The following PCED1B variants were observed in gnomAD, a reference collection of about 807,000 sequenced individuals.
The protein encoded by PCED1B is PC-esterase domain containing 1B, also known as PC-esterase domain-containing protein 1B.
For missense variants in PCED1B, 573 were observed against 573.9 expected, an observed-to-expected ratio of 1.00 and a Z score of 0.02; for synonymous variants, 251 against 246.1, an observed-to-expected ratio of 1.02 and a Z score of -0.19.
intron 3 of PCED1B, among the ~76,000 whole-genome samples, chr12:47,233,274 A>T (rs1189953334): frequency 6.6e-6 from 1 of 152,042 alleles, no homozygotes; most frequent in Non-Finnish European, 1.5e-5. Context: ...CTCCTGCCTC[A>T]GTCTGTTCAG....
At chr12:47,160,116 T>C (rs1461555491) in intron 2 of PCED1B, among the ~76,000 whole-genome samples, 2 of 152,150 alleles carry the variant, frequency 1.3e-5, no homozygotes, top group Non-Finnish European at 2.9e-5. Context: ...TGTATACCAA[T>C]ATCATGATAT....
Position 47,235,795 on chromosome 12 carries a change from G to T in PCED1B, c.732G>T (p.Leu244=). ...GRVHRCLSQL[L]LAHVADAWGV... ...TGCACCGCTGCCTCTCCCAGCTGCT[G>T]CTGGCCCACGTGGCCGACGCCTGGG... The change falls in exon 4 of 4, where the codon CTG becomes CTT. Residue 244 remains leucine, a synonymous_variant. Coordinates refer to ENST00000546455, the MANE Select transcript of PCED1B (RefSeq NM_138371.3). The T allele has an allele frequency of 6.3e-7, 1 of 1,583,010 alleles. No individual in the cohort carries two copies.
intron 2 of PCED1B, among the ~76,000 whole-genome samples, chr12:47,146,452 C>T (rs1040380356): frequency 2.0e-5 from 3 of 152,102 alleles, no homozygotes; most frequent in Admixed American, 6.5e-5. Context: ...CAAACAGCAT[C>T]GCATGCTACA....
At chr12:47,174,053 G>A (rs1307875055) in intron 2 of PCED1B, among the ~76,000 whole-genome samples, 2 of 151,864 alleles carry the variant, frequency 1.3e-5, no homozygotes, top group African/African-American at 4.8e-5. Context: ...GCCGAGGCAG[G>A]CCCATCACTT....
intron 2 of PCED1B, among the ~76,000 whole-genome samples, chr12:47,146,294 T>A (rs192526428): frequency 1.3e-5 from 2 of 152,182 alleles, no homozygotes; most frequent in Non-Finnish European, 2.9e-5. Flanking sequence ...TGAGATGGAA[T>A]CTACTCCTGG....
At chr12:47,113,907 C>T (rs7971026) in intron 2 of PCED1B, among the ~76,000 whole-genome samples, 5,541 of 151,414 alleles carry the variant, frequency 0.037, 282 homozygotes, top group African/African-American at 0.11. Context: ...GACGAGATTG[C>T]GCCCCTGCAC....
chr12:47,150,294 G>A (rs967360457), intron 2 of PCED1B, among the ~76,000 whole-genome samples: 3 of 152,070 alleles, frequency 2.0e-5, no homozygotes, highest in African/African-American at 4.8e-5. Context: ...CAAAGAAATA[G>A]GCCGGGCGCG....
intron 2 of PCED1B, among the ~76,000 whole-genome samples, chr12:47,174,319 G>A (rs1251321000): frequency 6.6e-6 from 1 of 151,788 alleles, no homozygotes; most frequent in East Asian, 1.9e-4. Flanking sequence ...TGAGGCAGAA[G>A]AATCGCTTGA....
chr12:47,200,559 C>T (rs1019725472), intron 2 of PCED1B, among the ~76,000 whole-genome samples: 4 of 152,182 alleles, frequency 2.6e-5, no homozygotes, highest in African/African-American at 4.8e-5. Flanking sequence ...TAAACATAGT[C>T]TTAACATAGA....
intron 2 of PCED1B, among the ~76,000 whole-genome samples, chr12:47,119,388 T>C (rs1405204515): frequency 1.3e-5 from 2 of 152,010 alleles, no homozygotes; most frequent in African/African-American, 4.8e-5. Context: ...TAAATTGGAC[T>C]TCATCAAAAC....
intron 3 of PCED1B, among the ~76,000 whole-genome samples, chr12:47,230,623 G>A (rs530301361): frequency 6.7e-4 from 102 of 151,940 alleles, no homozygotes; most frequent in African/African-American, 2.3e-3. Context: ...TGTATTTTTC[G>A]TAGAGACAGG....
intron 2 of PCED1B, among the ~76,000 whole-genome samples, chr12:47,205,171 G>A (rs1191978923): frequency 6.6e-6 from 1 of 152,146 alleles, no homozygotes; most frequent in East Asian, 1.9e-4. Flanking sequence ...TGATAGATCA[G>A]GTCAGAGATG....
intron 2 of PCED1B, among the ~76,000 whole-genome samples, chr12:47,186,365 T>C (rs1285191758): frequency 1.3e-5 from 2 of 152,088 alleles, no homozygotes; most frequent in African/African-American, 2.4e-5. Context: ...GGGAAACTTA[T>C]GGTAGATGAG....
intron 3 of PCED1B, among the ~76,000 whole-genome samples, chr12:47,217,476 G>GAAAA (rs765967984): frequency 3.8e-4 from 38 of 100,238 alleles, no homozygotes; most frequent in African/African-American, 1.3e-3. Flanking sequence ...GAAAGAGAAA[G>GAAAA]AAAGAAAGAA....
chr12:47,106,146 C>T (rs1938937850), intron 2 of PCED1B, among the ~76,000 whole-genome samples: 2 of 151,822 alleles, frequency 1.3e-5, no homozygotes, highest in East Asian at 1.9e-4. Context: ...GCTCCTGGCC[C>T]GGTGCCCTTT....
At chr12:47,143,083 T>C (rs1417436785) in intron 2 of PCED1B, among the ~76,000 whole-genome samples, 1 of 152,146 alleles carries the variant, frequency 6.6e-6, no homozygotes, top group African/African-American at 2.4e-5. Flanking sequence ...AGGTCATATA[T>C]GATAAGCCCA....
In PCED1B at chr12:47,235,807, G is replaced by A. The variant is rs1188586224; in HGVS notation, c.744G>A (p.Val248=). ...TCTCCCAGCTGCTGCTGGCCCACGT[G>A]GCCGACGCCTGGGGTGTGGAGCTGC... ...RCLSQLLLAH[V]ADAWGVELPH... Residue 248 remains valine, a synonymous_variant, in exon 4 of 4, where the codon GTG becomes GTA. Transcript: ENST00000546455. 9 of 1,577,672 alleles carry A rather than the reference G, an allele frequency of 5.7e-6. No individual in the cohort carries two copies. Among genetic ancestry groups the A allele is most frequent in the South Asian group, 1.1e-5 (1 of 87,322 alleles).
rs772124491 is a variant in PCED1B at position 47,235,117 on chromosome 12, G to A, written c.54G>A (p.Val18=). The change falls in exon 4 of 4, where the codon GTG becomes GTA. Residue 18 remains valine, a synonymous_variant. Coordinates refer to ENST00000546455, the MANE Select transcript of PCED1B (RefSeq NM_138371.3). ...EVRQLLHNKF[V]VILGDSVHRA... is the part of the protein sequence containing the mutation. Reference sequence around the variant, plus strand: ...GGCAGCTGCTTCACAATAAGTTCGTGGTCATCCTGGGGGACTCTGTGCATA... The same window carrying A: ...GGCAGCTGCTTCACAATAAGTTCGTAGTCATCCTGGGGGACTCTGTGCATA... The A allele has an allele frequency of 1.3e-6, 2 of 1,532,702 alleles. No homozygotes were observed. Among genetic ancestry groups the A allele is most frequent in the East Asian group, 4.5e-5 (2 of 44,214 alleles). The allele number at this position is 1,532,702 out of a possible 1,614,324, so 94.9% of individuals were successfully genotyped here. A position where few individuals can be genotyped will look rare whatever the true frequency, so the allele number is the denominator to read the frequency against.
chr12:47,168,451 A>C (rs745495206), intron 2 of PCED1B, among the ~76,000 whole-genome samples: 1 of 152,004 alleles, frequency 6.6e-6, no homozygotes, highest in Admixed American at 6.6e-5. Flanking sequence ...TCAGGCTTCT[A>C]TTGATTTTCC....
Sources: allele counts gnomAD v4.1 joint callset (sites outside exome capture counted in the v4.1 genomes callset), GRCh38; gene constraint gnomAD v4.1.1; transcripts MANE v1.5; gene names NCBI Gene and HGNC (gene_info 2026-07-23, HGNC 2026-07-21).